HTRA1: variants seen among roughly 807,000 people sequenced by gnomAD.
The protein encoded by HTRA1 is HtrA serine peptidase 1, also known as serine protease HTRA1.
A neutral mutation model predicts 49.7 loss-of-function variants in HTRA1; 26 were observed. The observed-to-expected ratio is 0.52, with a 90% CI of 0.38 to 0.73. The LOEUF (loss-of-function observed/expected upper bound fraction) is 0.73, where lower values mean the gene tolerates loss of function less well. Among genes scored for constraint, HTRA1 ranks in the 30% least tolerant of loss-of-function variants. HTRA1 has a pLI of 0.00. For missense variants in HTRA1, 561 were observed against 667.2 expected, an observed-to-expected ratio of 0.84 and a Z score of 1.75; for synonymous variants, 291 against 286.9, an observed-to-expected ratio of 1.01 and a Z score of -0.14.
intron 3 of HTRA1, among the ~76,000 whole-genome samples, chr10:122,499,173 G>A (rs537191221): frequency 6.6e-6 from 1 of 152,248 alleles, no homozygotes; most frequent in South Asian, 2.1e-4. Context: ...CATTATCCAT[G>A]TGTTGGAGGA....
intron 1 of HTRA1, among the ~76,000 whole-genome samples, chr10:122,480,006 G>A (rs904339700): frequency 5.3e-5 from 8 of 152,204 alleles, no homozygotes; most frequent in South Asian, 4.2e-4. Flanking sequence ...GCTGGGAGAC[G>A]GAAACGCAGG....
At chr10:122,470,979 A>G (rs2097485861) in intron 1 of HTRA1, among the ~76,000 whole-genome samples, 1 of 152,160 alleles carries the variant, frequency 6.6e-6, no homozygotes, top group South Asian at 2.1e-4. Context: ...CACTACCATC[A>G]TGTCCAAGGG....
chr10:122,463,366 C>G (rs987760813), intron 1 of HTRA1, among the ~76,000 whole-genome samples: 1 of 152,196 alleles, frequency 6.6e-6, no homozygotes, highest in Non-Finnish European at 1.5e-5. Flanking sequence ...AGAGAGTTGT[C>G]CCGGAGAGAA....
At chr10:122,512,305 G>A (rs1403604466) in intron 8 of HTRA1, among the ~76,000 whole-genome samples, 2 of 152,146 alleles carry the variant, frequency 1.3e-5, no homozygotes, top group African/African-American at 4.8e-5. Flanking sequence ...GGACCCTCCA[G>A]ATGGACAGAG....
intron 7 of HTRA1, among the ~76,000 whole-genome samples, chr10:122,511,327 C>G (rs1591042132): frequency 6.6e-6 from 1 of 152,170 alleles, no homozygotes; most frequent in African/African-American, 2.4e-5. Flanking sequence ...AGAAGTTAAG[C>G]AACTGTCCGA....
chr10:122,496,261 CAG>C (rs1402158871), intron 3 of HTRA1, among the ~76,000 whole-genome samples: 4 of 14,648 alleles, frequency 2.7e-4, no homozygotes, highest in African/African-American at 1.3e-3. Context: ...TTTTTTTTTG[CAG>C]AGATGAAGCT....
Position 122,494,871 on chromosome 10 carries a change from C to T in HTRA1, c.777+5245C>T, listed in dbSNP as rs184826608. On this transcript the variant is annotated intron_variant, in intron 3 of 8. Transcript: ENST00000368984. The surrounding 1 kb of genome is among the most constrained non-coding windows in gnomAD (Gnocchi z 4.0). ...GGGGCCTGGGGCCTTTTACATGTCC[C>T]GGGAGCTGCTGAGCAGGCCACTCTT... Among the ~76,000 whole-genome samples the T allele has an allele frequency of 3.4e-4, 51 of 152,230 alleles. 1 individual carries two copies. In the East Asian group the frequency reaches 7.7e-3, roughly 23 times the overall value.
intron 3 of HTRA1, among the ~76,000 whole-genome samples, chr10:122,492,679 C>T (rs567872262): frequency 2.6e-5 from 4 of 152,316 alleles, no homozygotes; most frequent in Admixed American, 6.5e-5. Context: ...AGAATTGCCA[C>T]GGACATCTGT....
intron 1 of HTRA1, among the ~76,000 whole-genome samples, chr10:122,478,913 A>G (rs1246581326): frequency 2.0e-5 from 3 of 152,170 alleles, no homozygotes; most frequent in African/African-American, 7.2e-5. Flanking sequence ...GATTCTTAAT[A>G]ATTTTTGAAC....
At chr10:122,514,024 C>A (rs1376865210) in intron 8 of HTRA1, among the ~76,000 whole-genome samples, 167 bp from the exon 9 acceptor site, 1 of 152,022 alleles carries the variant, frequency 6.6e-6, no homozygotes, top group Admixed American at 6.6e-5. Flanking sequence ...CAGGCATGAG[C>A]CACCGTGCCT....
intron 3 of HTRA1, among the ~76,000 whole-genome samples, chr10:122,499,297 G>A (rs535211249): frequency 4.6e-5 from 7 of 152,242 alleles, no homozygotes; most frequent in Admixed American, 2.6e-4. Context: ...CAGTGTCTGC[G>A]CTCACTGTCC....
intron 1 of HTRA1, among the ~76,000 whole-genome samples, chr10:122,480,962 A>G (rs1326241798): frequency 6.6e-6 from 1 of 152,094 alleles, no homozygotes; most frequent in Non-Finnish European, 1.5e-5. Flanking sequence ...AAAAAAGCTA[A>G]CTGCTGAACA....
intron 6 of HTRA1, 132 bp from the exon 7 acceptor site, chr10:122,509,964 T>C: frequency 1.3e-6 from 1 of 762,174 alleles, no homozygotes; most frequent in South Asian, 1.4e-5. Flanking sequence ...AGACCAGGAT[T>C]TGAGCCGCAA....
At chr10:122,477,123 A>G (rs2097488883) in intron 1 of HTRA1, among the ~76,000 whole-genome samples, 1 of 151,944 alleles carries the variant, frequency 6.6e-6, no homozygotes, top group Admixed American at 6.6e-5. Context: ...GCCTGCCACC[A>G]TGCCTGGCTA....
At chr10:122,463,787 G>C (rs966078320) in intron 1 of HTRA1, among the ~76,000 whole-genome samples, 2 of 152,216 alleles carry the variant, frequency 1.3e-5, no homozygotes, top group Non-Finnish European at 2.9e-5. Flanking sequence ...TAACTCCAAG[G>C]GTGTGGGAGA....
Position 122,461,620 on chromosome 10 carries a change from TCCGCCGCCACCGCCG to T in HTRA1, c.-23_-9del. 7.9e-7 allele frequency: 1 copy of T among 1,262,160 alleles called. No homozygotes were observed. The highest frequency in any genetic ancestry group is 3.1e-4 in the Middle Eastern group (1 of 3,220). The allele number at this position is 1,262,160 out of a possible 1,614,324, so 78.2% of individuals were successfully genotyped here. A position where few individuals can be genotyped will look rare whatever the true frequency, so the allele number is the denominator to read the frequency against. On this transcript the variant is annotated 5_prime_UTR_variant, in exon 1 of 9. Coordinates refer to ENST00000368984, the MANE Select transcript of HTRA1 (RefSeq NM_002775.5). ...GCGCCGCTCTCCGGCCCTCGCCCTG[TCCGCCGCCACCGCCG>T]CCGCCGCCAGAGTCGCCATGCAGAT...
intron 1 of HTRA1, among the ~76,000 whole-genome samples, chr10:122,471,572 G>T (rs982086937): frequency 6.6e-6 from 1 of 152,206 alleles, no homozygotes; most frequent in Non-Finnish European, 1.5e-5. Flanking sequence ...CAACTGACTT[G>T]TAGAGAAGAC....
At chr10:122,508,034 C>T (rs931957374) in intron 5 of HTRA1, among the ~76,000 whole-genome samples, 6 of 152,122 alleles carry the variant, frequency 3.9e-5, no homozygotes, top group Admixed American at 2.6e-4. Flanking sequence ...TAGGGGCTGT[C>T]TTTAGCAAGG....
In HTRA1 at chr10:122,494,669, C is replaced by T. The variant is rs2097497758; in HGVS notation, c.777+5043C>T. Reference sequence around the variant, plus strand: ...GCCACCCCCCCAACCCCACGGCCACCTTTGGGCCAGATGGCACCCACAGAC... The same window carrying T: ...GCCACCCCCCCAACCCCACGGCCACTTTTGGGCCAGATGGCACCCACAGAC... On this transcript the variant is annotated intron_variant, in intron 3 of 8. Coordinates refer to ENST00000368984, the MANE Select transcript of HTRA1 (RefSeq NM_002775.5). This position sits in a 1 kb window ranked among gnomAD's most constrained non-coding sequence, Gnocchi z 4.0. 6.6e-6 allele frequency among the ~76,000 whole-genome samples: 1 copy of T among 152,202 alleles called. No individual in the cohort carries two copies. The highest frequency in any genetic ancestry group is 2.4e-5 in the African/African-American group (1 of 41,456).
Sources: allele counts gnomAD v4.1 joint callset (sites outside exome capture counted in the v4.1 genomes callset), GRCh38; gene constraint gnomAD v4.1.1; non-coding constraint Gnocchi (gnomAD v3.1); transcripts MANE v1.5; gene names NCBI Gene and HGNC (gene_info 2026-07-23, HGNC 2026-07-21).